DKK2: variants seen among roughly 807,000 people sequenced by gnomAD.
The protein encoded by DKK2 is dickkopf Wnt signaling pathway inhibitor 2, also known as dickkopf-related protein 2.
In DKK2, 11 loss-of-function variants were observed where a neutral mutation model predicts 28.1. The ratio of observed to expected loss-of-function variants is 0.39; its 90% CI spans 0.25 to 0.65. DKK2 has a LOEUF of 0.65. DKK2 is among the 30% of genes least tolerant of loss of function. The pLI, the probability that DKK2 is intolerant of heterozygous loss-of-function variation, is 0.47. For synonymous variants in DKK2, 135 were observed against 126.5 expected, an observed-to-expected ratio of 1.07 and a Z score of -0.45; for missense variants, 326 against 335.5, an observed-to-expected ratio of 0.97 and a Z score of 0.22.
chr4:106,955,073 T>C (rs1722570036), intron 1 of DKK2, among the ~76,000 whole-genome samples: 1 of 152,220 alleles, frequency 6.6e-6, no homozygotes, highest in Non-Finnish European at 1.5e-5. Flanking sequence ...TCAATGGGAA[T>C]TTGATTTATT....
chr4:106,994,159 C>A (rs1393853238), intron 1 of DKK2, among the ~76,000 whole-genome samples: 1 of 152,156 alleles, frequency 6.6e-6, no homozygotes. Context: ...AGTTCACATA[C>A]CATCCTTTAC....
chr4:106,991,390 C>T (rs1192777225), intron 1 of DKK2, among the ~76,000 whole-genome samples: 1 of 151,996 alleles, frequency 6.6e-6, no homozygotes. Context: ...CTGCCATGGC[C>T]CTCTTCCTTC....
chr4:106,928,517 T>C (rs931588085), intron 1 of DKK2, among the ~76,000 whole-genome samples: 2 of 152,196 alleles, frequency 1.3e-5, no homozygotes, highest in Non-Finnish European at 2.9e-5. Flanking sequence ...GCTTCTAATA[T>C]GCTTATGTAA....
At chr4:106,979,003 G>C (rs1722988768) in intron 1 of DKK2, among the ~76,000 whole-genome samples, 2 of 152,088 alleles carry the variant, frequency 1.3e-5, no homozygotes, top group South Asian at 4.1e-4. Context: ...CTTCCCTTGG[G>C]TAGGGGAAGG....
At chr4:106,963,119 C>G (rs965573838) in intron 1 of DKK2, among the ~76,000 whole-genome samples, 28 of 151,912 alleles carry the variant, frequency 1.8e-4, no homozygotes, top group African/African-American at 6.8e-4. Context: ...CTTTGGGAGG[C>G]TGAGGCGGGC....
intron 1 of DKK2, among the ~76,000 whole-genome samples, chr4:106,981,625 G>A (rs963726129): frequency 3.3e-5 from 5 of 151,998 alleles, no homozygotes; most frequent in Admixed American, 6.6e-5. Context: ...CCTTTCATAG[G>A]GCAATCATCT....
chr4:106,938,274 T>A (rs1170099814), intron 1 of DKK2, among the ~76,000 whole-genome samples: 1 of 151,838 alleles, frequency 6.6e-6, no homozygotes, highest in African/African-American at 2.4e-5. Context: ...CAATAAAAAA[T>A]GATAAAGGGG....
intron 1 of DKK2, among the ~76,000 whole-genome samples, chr4:106,932,790 G>A (rs920973548): frequency 1.3e-5 from 2 of 152,100 alleles, no homozygotes. Flanking sequence ...TTCCAAATCT[G>A]GGATTTATAG....
At chr4:106,924,402 G>T (rs1724395219) in intron 3 of DKK2, 143 bp downstream of exon 3, 2 of 1,270,088 alleles carry the variant, frequency 1.6e-6, no homozygotes, top group Non-Finnish European at 2.1e-6. Context: ...TCCATTATTT[G>T]CCACCTAAAT....
In DKK2 at chr4:106,925,810, C is replaced by G. The variant is rs201662083; in HGVS notation, c.362G>C (p.Arg121Pro). 4 of 1,608,186 alleles carry G rather than the reference C, an allele frequency of 2.5e-6. No individual in the cohort carries two copies. Among genetic ancestry groups the G allele is most frequent in the Non-Finnish European group, 3.4e-6 (4 of 1,177,906 alleles). ...HRDGMCCPST[R>P]CNNGICIPVT... ...GTGAGATCTTTTACCATTATTGCAGCGGGTACTGGGGCAGCACATGCCATC... is the reference window on the plus strand; with the variant it reads ...GTGAGATCTTTTACCATTATTGCAGGGGGTACTGGGGCAGCACATGCCATC... The change falls in exon 2 of 4, where the codon CGC (arginine) becomes CCC (proline). Residue 121 changes from arginine (R) to proline (P), a missense_variant. Physicochemically the swap from Arg to Pro is moderately radical, Grantham distance 103. Coordinates refer to ENST00000285311, the MANE Select transcript of DKK2 (RefSeq NM_014421.3).
chr4:106,968,291 G>A (rs373234040), intron 1 of DKK2, among the ~76,000 whole-genome samples: 24 of 152,206 alleles, frequency 1.6e-4, no homozygotes, highest in African/African-American at 5.1e-4. Context: ...ATCTACTACC[G>A]TGGCTCCTTG....
At chr4:106,991,587 A>G (rs1360561291) in intron 1 of DKK2, among the ~76,000 whole-genome samples, 1 of 152,176 alleles carries the variant, frequency 6.6e-6, no homozygotes. Context: ...CTAAAGTCCT[A>G]TATGAGCACA....
chr4:106,991,139 GT>G (rs1723197888), intron 1 of DKK2, among the ~76,000 whole-genome samples: 1 of 152,094 alleles, frequency 6.6e-6, no homozygotes, highest in African/African-American at 2.4e-5. Flanking sequence ...GAAACAATAA[GT>G]TTTTATATCA....
intron 1 of DKK2, among the ~76,000 whole-genome samples, chr4:106,977,458 A>G (rs1722961984): frequency 6.6e-6 from 1 of 151,582 alleles, no homozygotes; most frequent in Non-Finnish European, 1.5e-5. Flanking sequence ...TTTTTTCTCT[A>G]TTCTTGTCTT....
At chr4:107,025,892 T>A (rs1723771329) in intron 1 of DKK2, among the ~76,000 whole-genome samples, 1 of 152,270 alleles carries the variant, frequency 6.6e-6, no homozygotes, top group Non-Finnish European at 1.5e-5. Context: ...GGCAACTGAA[T>A]GTAATTCTTC....
At chr4:107,001,088 G>A (rs1723353327) in intron 1 of DKK2, among the ~76,000 whole-genome samples, 1 of 151,734 alleles carries the variant, frequency 6.6e-6, no homozygotes, top group Non-Finnish European at 1.5e-5. Context: ...AACCAAAAGG[G>A]GGAAAAAACT....
intron 1 of DKK2, among the ~76,000 whole-genome samples, chr4:106,963,436 C>T (rs564646101): frequency 6.6e-6 from 1 of 151,838 alleles, no homozygotes; most frequent in African/African-American, 2.4e-5. Context: ...GAAAAAAGCT[C>T]AACATTACTA....
At chr4:106,952,360 T>C (rs1366267799) in intron 1 of DKK2, among the ~76,000 whole-genome samples, 1 of 152,140 alleles carries the variant, frequency 6.6e-6, no homozygotes, top group African/African-American at 2.4e-5. Context: ...AATTTCCTTA[T>C]AGAAAAGAAC....
At chr4:106,954,906 C>T (rs542327596) in intron 1 of DKK2, among the ~76,000 whole-genome samples, 2 of 152,246 alleles carry the variant, frequency 1.3e-5, no homozygotes, top group Admixed American at 1.3e-4. Context: ...TTAAACAGAA[C>T]GCTTTATCTG....
Sources: allele counts gnomAD v4.1 joint callset (sites outside exome capture counted in the v4.1 genomes callset), GRCh38; gene constraint gnomAD v4.1.1; transcripts MANE v1.5; gene names NCBI Gene and HGNC (gene_info 2026-07-23, HGNC 2026-07-21).